The following BAZ2B variants were observed in gnomAD, a reference collection of about 807,000 sequenced individuals.
BAZ2B encodes bromodomain adjacent to zinc finger domain protein 2B.
Under a neutral mutation model 246.0 loss-of-function variants are expected in BAZ2B, and 91 were observed. The observed-to-expected ratio is 0.37, with a 90% CI of 0.31 to 0.44. The LOEUF is 0.44. Ranked by LOEUF, BAZ2B falls within the 20% of genes least tolerant of loss-of-function variation. BAZ2B has a pLI of 1.00. For synonymous variants in BAZ2B, 855 were observed against 860.0 expected, an observed-to-expected ratio of 0.99 and a Z score of 0.10; for missense variants, 2,332 against 2,533.7, an observed-to-expected ratio of 0.92 and a Z score of 1.71.
chr2:159,325,144 T>C (rs1157416220), intron 35 of BAZ2B, among the ~76,000 whole-genome samples, 190 bp from the exon 36 acceptor site: 3 of 76,606 alleles, frequency 3.9e-5, no homozygotes, highest in Non-Finnish European at 7.1e-5. Flanking sequence ...TATATATATA[T>C]ATATGAGATA....
At chr2:159,361,859 A>G (rs1222968706) in intron 27 of BAZ2B, among the ~76,000 whole-genome samples, 1 of 152,078 alleles carries the variant, frequency 6.6e-6, no homozygotes, top group Non-Finnish European at 1.5e-5. Context: ...ACAGGAACAG[A>G]AAACCAAACA....
chr2:159,445,220 A>G (rs2074057886), intron 6 of BAZ2B, among the ~76,000 whole-genome samples: 1 of 152,194 alleles, frequency 6.6e-6, no homozygotes, highest in Non-Finnish European at 1.5e-5. Flanking sequence ...AGCCAACAAG[A>G]TCTACTCAGG....
the BAZ2B span, among the ~76,000 whole-genome samples, chr2:159,665,217 G>C: frequency 1.2e-4 from 9 of 73,210 alleles, no homozygotes; most frequent in African/African-American, 4.6e-4. Context: ...CAAACAAATG[G>C]AAGAACATTC....
At chr2:159,579,420 G>A (rs1686170862) in intron 1 of BAZ2B, among the ~76,000 whole-genome samples, 2 of 152,154 alleles carry the variant, frequency 1.3e-5, no homozygotes, top group Admixed American at 1.3e-4. Flanking sequence ...CTCTGAAATT[G>A]AGGCAATAAT....
intron 22 of BAZ2B, 96 bp from the exon 23 acceptor site, chr2:159,385,465 C>A: frequency 9.3e-7 from 1 of 1,078,350 alleles, no homozygotes; most frequent in Non-Finnish European, 1.3e-6. Flanking sequence ...GATTTAGATA[C>A]TACTGACAAG....
chr2:159,499,800 G>T (rs138065630), intron 2 of BAZ2B, among the ~76,000 whole-genome samples: 3 of 152,032 alleles, frequency 2.0e-5, no homozygotes, highest in Admixed American at 6.5e-5. Context: ...TCATATGTTT[G>T]TTGGCCACAT....
At position 159,519,215 on chromosome 2, in the gene BAZ2B, T is replaced by C. The variant is rs867799417; in HGVS notation, c.-3+36608A>G. On this transcript the variant is annotated intron_variant, in intron 2 of 36. Coordinates refer to ENST00000392783, the MANE Select transcript of BAZ2B (RefSeq NM_013450.4). ...CCAACTTCATATTCTATTTTCTTTT[T>C]TTTTTTTTTTTTTTTTTTTTTTTTT... Among the ~76,000 whole-genome samples, 47 of 27,526 alleles carry C rather than the reference T, an allele frequency of 1.7e-3. 1 individual carries two copies. The highest frequency in any genetic ancestry group is 4.1e-3 in the South Asian group (3 of 726). 18.1% of individuals were successfully genotyped at this position (27,526 alleles called of 152,430 possible).
At chr2:159,476,510 C>T (rs1166665206) in intron 3 of BAZ2B, among the ~76,000 whole-genome samples, 3 of 152,196 alleles carry the variant, frequency 2.0e-5, no homozygotes, top group Admixed American at 1.3e-4. Context: ...CAGCTTCCAA[C>T]CATCCACTAA....
chr2:159,678,449 A>T, the BAZ2B span, among the ~76,000 whole-genome samples: 1 of 152,206 alleles, frequency 6.6e-6, no homozygotes, highest in Non-Finnish European at 1.5e-5. Flanking sequence ...TTTTATTCTA[A>T]CACCCAGAAT....
the BAZ2B span, among the ~76,000 whole-genome samples, chr2:159,681,590 A>G: frequency 6.6e-6 from 1 of 152,240 alleles, no homozygotes; most frequent in Non-Finnish European, 1.5e-5. Flanking sequence ...AGTTTGGATA[A>G]TATACAGTCA....
chr2:159,466,653 A>G (rs1053431127), intron 3 of BAZ2B, among the ~76,000 whole-genome samples: 3 of 152,220 alleles, frequency 2.0e-5, no homozygotes, highest in Non-Finnish European at 2.9e-5. Flanking sequence ...CTAATTTATT[A>G]TATATGATTT....
At chr2:159,686,827 G>T in the BAZ2B span, among the ~76,000 whole-genome samples, 1 of 152,068 alleles carries the variant, frequency 6.6e-6, no homozygotes, top group Admixed American at 6.6e-5. Flanking sequence ...CGGATCACAA[G>T]GTCAGGAGAT....
chr2:159,400,284 T>C (rs1254136305), intron 17 of BAZ2B, among the ~76,000 whole-genome samples: 1 of 152,226 alleles, frequency 6.6e-6, no homozygotes, highest in Non-Finnish European at 1.5e-5. Context: ...TATCAGACTA[T>C]AAGCCCTAAT....
chr2:159,436,896 T>TA (rs1397445204), intron 8 of BAZ2B, among the ~76,000 whole-genome samples: 1 of 152,198 alleles, frequency 6.6e-6, no homozygotes, highest in Non-Finnish European at 1.5e-5. Context: ...ATTCAATGAT[T>TA]AAATAACCTT....
intron 8 of BAZ2B, among the ~76,000 whole-genome samples, chr2:159,435,884 T>C (rs914605114): frequency 6.6e-6 from 1 of 152,262 alleles, no homozygotes; most frequent in African/African-American, 2.4e-5. Context: ...TGTATTAGTT[T>C]AGAAAATTGT....
chr2:159,528,938 A>G (rs2151305724), intron 2 of BAZ2B, among the ~76,000 whole-genome samples: 1 of 133,750 alleles, frequency 7.5e-6, no homozygotes, highest in East Asian at 2.5e-4. Flanking sequence ...AGGAAGGGGA[A>G]CATCACACAC....
chr2:159,598,672 C>T (rs1231208804), intron 1 of BAZ2B, among the ~76,000 whole-genome samples: 1 of 151,886 alleles, frequency 6.6e-6, no homozygotes, highest in Non-Finnish European at 1.5e-5. Flanking sequence ...AACAGACCAG[C>T]CTGGCCAACA....
the BAZ2B span, among the ~76,000 whole-genome samples, chr2:159,703,980 ACT>A: frequency 6.6e-6 from 1 of 152,198 alleles, no homozygotes; most frequent in Non-Finnish European, 1.5e-5. Flanking sequence ...TAAAGTTAAG[ACT>A]TACATAAATA....
At chr2:159,603,906 A>T (rs1055513228) in intron 1 of BAZ2B, among the ~76,000 whole-genome samples, 2 of 152,206 alleles carry the variant, frequency 1.3e-5, no homozygotes, top group African/African-American at 4.8e-5. Flanking sequence ...CTGCTGTTTC[A>T]TTAATGAACA....
Sources: gnomAD v4.1 joint callset for allele counts (sites outside exome capture counted in the v4.1 genomes callset) on GRCh38, gnomAD v4.1.1 for gene constraint, MANE v1.5 for transcripts, NCBI Gene and HGNC (gene_info 2026-07-23, HGNC 2026-07-21) for gene names.